RGS8: variants seen among roughly 807,000 people sequenced by gnomAD.
RGS8 encodes regulator of G protein signaling 8, also known as regulator of G-protein signaling 8.
Under a neutral mutation model 21.7 loss-of-function variants are expected in RGS8, and 8 were observed. The observed-to-expected ratio is 0.37, with a 90% CI of 0.22 to 0.66. The LOEUF (loss-of-function observed/expected upper bound fraction) is 0.66. RGS8 is among the 30% of genes least tolerant of loss of function. The pLI is 0.59. For missense variants in RGS8, 157 were observed against 217.9 expected (o/e 0.72, Z 1.76); for synonymous variants, 80 against 83.6 (o/e 0.96, Z 0.24).
the RGS8 span, among the ~76,000 whole-genome samples, chr1:182,739,801 C>A: frequency 1.3e-5 from 2 of 152,078 alleles, no homozygotes; most frequent in African/African-American, 4.8e-5. Flanking sequence ...GCAACAGCGA[C>A]AATCACGCTA....
the RGS8 span, among the ~76,000 whole-genome samples, chr1:182,723,218 T>C: frequency 1.3e-5 from 2 of 152,178 alleles, no homozygotes; most frequent in African/African-American, 4.8e-5. Context: ...CATATCACAA[T>C]TTCTGAGGAA....
At chr1:182,694,173 T>C in the RGS8 span, among the ~76,000 whole-genome samples, 1 of 152,234 alleles carries the variant, frequency 6.6e-6, no homozygotes, top group Non-Finnish European at 1.5e-5. Context: ...TATTTGTTTC[T>C]TCTGAAATTT....
At chr1:182,750,021 A>C in the RGS8 span, among the ~76,000 whole-genome samples, 1 of 152,208 alleles carries the variant, frequency 6.6e-6, no homozygotes, top group East Asian at 1.9e-4. Flanking sequence ...TTGTTATGAA[A>C]GTTAAGTAAG....
intron 5 of RGS8, among the ~76,000 whole-genome samples, chr1:182,650,745 C>T (rs1461710459): frequency 6.6e-6 from 1 of 152,120 alleles, no homozygotes; most frequent in East Asian, 1.9e-4. Flanking sequence ...TCCAGCGATT[C>T]GGGAAGTTGA....
chr1:182,678,166 A>G (rs952001254), intron 1 of RGS8, among the ~76,000 whole-genome samples: 1 of 152,184 alleles, frequency 6.6e-6, no homozygotes, highest in African/African-American at 2.4e-5. Flanking sequence ...AAATATTTAT[A>G]GTTGAAATGA....
At chr1:182,721,777 A>C in the RGS8 span, among the ~76,000 whole-genome samples, 4 of 152,228 alleles carry the variant, frequency 2.6e-5, no homozygotes, top group African/African-American at 9.6e-5. Context: ...CATGACATGA[A>C]AATGAGCAGC....
chr1:182,729,662 T>TTATATAGA, the RGS8 span, among the ~76,000 whole-genome samples: 1 of 152,192 alleles, frequency 6.6e-6, no homozygotes, highest in Non-Finnish European at 1.5e-5. Flanking sequence ...ATTAAAAATC[T>TTATATAGA]TATATAGATT....
At chr1:182,700,207 T>A in the RGS8 span, among the ~76,000 whole-genome samples, 1 of 152,186 alleles carries the variant, frequency 6.6e-6, no homozygotes, top group African/African-American at 2.4e-5. Context: ...CCTGCACGGT[T>A]ATTGGCTGAC....
chr1:182,667,202 A>C (rs766419642), intron 3 of RGS8, among the ~76,000 whole-genome samples: 1 of 152,240 alleles, frequency 6.6e-6, no homozygotes, highest in Non-Finnish European at 1.5e-5. Context: ...CAAAGCTGAC[A>C]CAGCAAGTTG....
chr1:182,719,894 TC>T, the RGS8 span, among the ~76,000 whole-genome samples: 1 of 152,346 alleles, frequency 6.6e-6, no homozygotes, highest in Non-Finnish European at 1.5e-5. Flanking sequence ...ATCATTTTTT[TC>T]CTCCAATCTC....
chr1:182,689,988 C>A, the RGS8 span, among the ~76,000 whole-genome samples: 2 of 152,138 alleles, frequency 1.3e-5, no homozygotes, highest in Non-Finnish European at 2.9e-5. Context: ...ATTCATTTTT[C>A]TTATTCCATT....
At chr1:182,659,407 T>C (rs1663471012) in intron 5 of RGS8, among the ~76,000 whole-genome samples, 1 of 152,184 alleles carries the variant, frequency 6.6e-6, no homozygotes, top group African/African-American at 2.4e-5. Flanking sequence ...GGAGAAGTAT[T>C]ATAAAACATG....
chr1:182,673,112 A>G (rs1042225554), upstream of RGS8, among the ~76,000 whole-genome samples: 1 of 151,998 alleles, frequency 6.6e-6, no homozygotes, highest in Non-Finnish European at 1.5e-5. Context: ...TTGAGTCTAC[A>G]CTCCCACTCA....
chr1:182,734,694 A>G, the RGS8 span: 1 of 152,244 alleles, frequency 6.6e-6, no homozygotes, highest in East Asian at 1.9e-4. Context: ...GAGGGAATTG[A>G]CCTAAATACC....
the RGS8 span, among the ~76,000 whole-genome samples, chr1:182,702,840 T>C: frequency 6.6e-6 from 1 of 152,232 alleles, no homozygotes; most frequent in Non-Finnish European, 1.5e-5. Context: ...GTTCTTTATT[T>C]AGACCAAATA....
chr1:182,668,343 G>A lies in RGS8; in HGVS notation c.26+1281C>T, dbSNP rs554236070. On this transcript the variant is annotated intron_variant, in intron 3 of 6. Coordinates refer to ENST00000483095, the Ensembl canonical transcript of RGS8. ...TGCACATTTGCAACAATTTGCCACA[G>A]AAATAGTCCTAGAAGATGCCATTCT... is the stretch of plus-strand genomic sequence containing the variant. Among the ~76,000 whole-genome samples the A allele has an allele frequency of 5.9e-5, 9 of 152,326 alleles. No homozygotes were observed. In the East Asian group the frequency reaches 1.7e-3, roughly 29 times the overall value.
At chr1:182,665,904 C>T (rs1042892626) in intron 5 of RGS8, 65 bp downstream of exon 6, 95 of 1,430,338 alleles carry the variant, frequency 6.6e-5, no homozygotes, top group Middle Eastern at 1.7e-4. Flanking sequence ...CATCACAGGC[C>T]TTTGGTACAT....
upstream of RGS8, among the ~76,000 whole-genome samples, chr1:182,676,600 T>TC (rs1226812457): frequency 1.3e-5 from 2 of 152,222 alleles, no homozygotes; most frequent in East Asian, 3.8e-4. Context: ...ATTAGCAGCC[T>TC]CATTTCCTGT....
At chr1:182,722,659 T>A in the RGS8 span, among the ~76,000 whole-genome samples, 2 of 152,062 alleles carry the variant, frequency 1.3e-5, no homozygotes, top group Non-Finnish European at 2.9e-5. Context: ...TGCCTGCATC[T>A]CTATGTGTCC....
Sources: gnomAD v4.1 joint callset for allele counts (sites outside exome capture counted in the v4.1 genomes callset) on GRCh38, gnomAD v4.1.1 for gene constraint, MANE v1.5 for transcripts, NCBI Gene and HGNC (gene_info 2026-07-23, HGNC 2026-07-21) for gene names.